ALPK1: variants seen among roughly 807,000 people sequenced by gnomAD.
The protein encoded by ALPK1 is alpha kinase 1.
A neutral mutation model predicts 120.6 loss-of-function variants in ALPK1; 110 were observed. The observed-to-expected ratio is 0.91, with a 90% confidence interval of 0.78 to 1.07. ALPK1 has a LOEUF of 1.07. Ranked by LOEUF, ALPK1 falls within the 50% of genes least tolerant of loss-of-function variation. ALPK1 has a pLI of 0.00. For missense variants in ALPK1, 1,498 were observed against 1,483.9 expected, an observed-to-expected ratio of 1.01 and a Z score of -0.16; for synonymous variants, 582 against 560.3, an observed-to-expected ratio of 1.04 and a Z score of -0.55.
At chr4:112,307,776 T>A (rs565356640) in intron 1 of ALPK1, among the ~76,000 whole-genome samples, 1 of 152,232 alleles carries the variant, frequency 6.6e-6, no homozygotes, top group African/African-American at 2.4e-5. Context: ...ATGTGTGAAT[T>A]TGACCCTGTC....
chr4:112,413,733 T>A (rs939725342), intron 5 of ALPK1, among the ~76,000 whole-genome samples: 2 of 152,200 alleles, frequency 1.3e-5, no homozygotes, highest in African/African-American at 4.8e-5. Flanking sequence ...TTCCTTTTTT[T>A]AAATTGGTTT....
chr4:112,386,574 A>G (rs1172358633), intron 4 of ALPK1, among the ~76,000 whole-genome samples: 2 of 152,164 alleles, frequency 1.3e-5, no homozygotes, highest in African/African-American at 4.8e-5. Flanking sequence ...ATCCTACCTC[A>G]TGCTAGTTTC....
rs181222692 is a variant in ALPK1 at position 112,390,936 on chromosome 4, G to A, written c.276+8384G>A. 1.5e-3 allele frequency among the ~76,000 whole-genome samples: 229 copies of A among 152,272 alleles called. 1 individual carries two copies. The highest frequency in any genetic ancestry group is 5.1e-3 in the African/African-American group (210 of 41,540). ...TGCCAAGGAAAGAATGATTATGTGA[G>A]GTCCTGCATAAACGTTAGGCTTGAG... On this transcript the variant is annotated intron_variant, in intron 4 of 15. Transcript: ENST00000650871.
chr4:112,404,791 T>G (rs1377938211), intron 4 of ALPK1, among the ~76,000 whole-genome samples: 1 of 152,234 alleles, frequency 6.6e-6, no homozygotes, highest in Non-Finnish European at 1.5e-5. Context: ...TTCTTGAGCT[T>G]TGTTCTGGGA....
At chr4:112,357,949 TC>T in intron 2 of ALPK1, 5 of 784,592 alleles carry the variant, frequency 6.4e-6, no homozygotes, top group South Asian at 1.4e-5. Context: ...AAGGATTGCC[TC>T]CCCCGGGGTC....
intron 2 of ALPK1, among the ~76,000 whole-genome samples, chr4:112,329,231 G>A (rs72896910): frequency 0.011 from 1,618 of 152,228 alleles, 35 homozygotes; most frequent in African/African-American, 0.037. Flanking sequence ...AAGCACTTAC[G>A]GAGAATTGTA....
intron 2 of ALPK1, among the ~76,000 whole-genome samples, chr4:112,340,636 C>T (rs1401071592): frequency 6.6e-6 from 1 of 152,070 alleles, no homozygotes; most frequent in African/African-American, 2.4e-5. Context: ...GAGTAGATTC[C>T]CCCCTCAACC....
chr4:112,400,668 C>A (rs1466616796), intron 4 of ALPK1, among the ~76,000 whole-genome samples: 2 of 151,326 alleles, frequency 1.3e-5, no homozygotes, highest in African/African-American at 4.9e-5. Context: ...TTGATTTTAC[C>A]CTCCTGCATT....
At chr4:112,358,763 G>A in intron 2 of ALPK1, 1 of 809,280 alleles carries the variant, frequency 1.2e-6, no homozygotes, top group South Asian at 1.3e-5. Flanking sequence ...CTGGTGCACA[G>A]ATGAACACGG....
intron 4 of ALPK1, chr4:112,410,910 T>C (rs1733423132): frequency 6.5e-6 from 1 of 154,832 alleles, no homozygotes; most frequent in Admixed American, 6.5e-5. Context: ...AATTAAAATG[T>C]AGGCAATAAA....
chr4:112,418,492 A>G (rs1176543856), intron 5 of ALPK1, among the ~76,000 whole-genome samples: 1 of 152,202 alleles, frequency 6.6e-6, no homozygotes, highest in Admixed American at 6.5e-5. Context: ...AGTCAGGCAC[A>G]GGGAAAGCTA....
At chr4:112,354,790 G>C (rs1302417913) in intron 2 of ALPK1, among the ~76,000 whole-genome samples, 1 of 152,000 alleles carries the variant, frequency 6.6e-6, no homozygotes, top group Admixed American at 6.6e-5. Context: ...TTTTCTAAGT[G>C]ACAATAATTT....
At chr4:112,394,264 C>G (rs1331132205) in intron 4 of ALPK1, among the ~76,000 whole-genome samples, 1 of 152,160 alleles carries the variant, frequency 6.6e-6, no homozygotes, top group Non-Finnish European at 1.5e-5. Flanking sequence ...CTCTGCTGCC[C>G]CATAGCCTGC....
At chr4:112,391,731 T>C (rs1331736792) in intron 4 of ALPK1, among the ~76,000 whole-genome samples, 2 of 152,186 alleles carry the variant, frequency 1.3e-5, no homozygotes, top group Non-Finnish European at 2.9e-5. Context: ...GAACAGATGC[T>C]CCTGTTAGAG....
chr4:112,314,544 T>G (rs965887014), intron 1 of ALPK1, among the ~76,000 whole-genome samples: 15 of 152,194 alleles, frequency 9.9e-5, no homozygotes, highest in African/African-American at 3.6e-4. Context: ...AGAAAGGATT[T>G]CAAGGAATGG....
chr4:112,368,640 T>TTTTGAATAA (rs1560656509), intron 2 of ALPK1, among the ~76,000 whole-genome samples: 2 of 152,236 alleles, frequency 1.3e-5, no homozygotes, highest in African/African-American at 2.4e-5. Flanking sequence ...AACCTAATCA[T>TTTTGAATAA]TTTGAATAAT....
rs1242024978 is a variant in ALPK1 at position 112,441,238 on chromosome 4, C to A, written c.*28C>A. 2.7e-6 allele frequency: 4 copies of A among 1,471,748 alleles called. No homozygotes were observed. The highest frequency in any genetic ancestry group is 2.3e-5 in the East Asian group (1 of 44,238). 91.2% of individuals were successfully genotyped at this position (1,471,748 alleles called of 1,614,324 possible). On this transcript the variant is annotated 3_prime_UTR_variant, in exon 16 of 16. Coordinates refer to ENST00000650871, the MANE Select transcript of ALPK1 (RefSeq NM_025144.4). ...TACGGCACAGTCTGGTCCTTTGGGGCTTGGGCAGGGCCGTGACACAGGTTC... is the reference window on the plus strand; with the variant it reads ...TACGGCACAGTCTGGTCCTTTGGGGATTGGGCAGGGCCGTGACACAGGTTC...
At chr4:112,436,109 C>G (rs929977522) in intron 12 of ALPK1, among the ~76,000 whole-genome samples, 1 of 152,144 alleles carries the variant, frequency 6.6e-6, no homozygotes, top group African/African-American at 2.4e-5. Context: ...GTTATTTGCT[C>G]AAATCCAAAT....
intron 7 of ALPK1, chr4:112,425,999 T>C (rs1734218030): frequency 3.0e-6 from 1 of 330,172 alleles, no homozygotes; most frequent in Admixed American, 4.5e-5. Flanking sequence ...ACTGTAGGGT[T>C]CCCAGTGTTA....
Sources: allele counts gnomAD v4.1 joint callset (sites outside exome capture counted in the v4.1 genomes callset), GRCh38; gene constraint gnomAD v4.1.1; transcripts MANE v1.5; gene names NCBI Gene and HGNC (gene_info 2026-07-23, HGNC 2026-07-21).